The following RWDD4 variants were observed in gnomAD, a reference collection of about 807,000 sequenced individuals.
RWDD4 encodes RWD domain-containing protein 4.
A neutral mutation model predicts 30.0 loss-of-function variants in RWDD4; 16 were observed. The ratio of observed to expected loss-of-function variants is 0.53; its 90% CI spans 0.36 to 0.81. RWDD4 has a LOEUF of 0.81. RWDD4 is among the 30% of genes least tolerant of loss of function. The pLI, the probability that RWDD4 is intolerant of heterozygous loss-of-function variation, is 0.00. For synonymous variants in RWDD4, 45 were observed against 72.1 expected (o/e 0.62, Z 1.90); for missense variants, 170 against 223.9 (o/e 0.76, Z 1.54).
chr4:183,651,017 C>T lies in RWDD4; in HGVS notation c.330G>A (p.Gln110=), dbSNP rs974785846. The T allele has an allele frequency of 6.2e-7, 1 of 1,612,390 alleles. No homozygotes were observed. The highest frequency in any genetic ancestry group is 8.5e-7 in the Non-Finnish European group (1 of 1,179,904). ...TGATGGGATTGTGATTCTCCATGAA[C>T]TGCTCTTTATTGTCTTTGGCATATT... is the stretch of plus-strand genomic sequence containing the variant. The part of the protein sequence containing the change: ...LFEYAKDNKE[Q]FMENHNPINS... Residue 110 remains glutamine, a synonymous_variant, in exon 4 of 8, where the codon CAG becomes CAA. Transcript: ENST00000326397.
intron 1 of RWDD4, among the ~76,000 whole-genome samples, chr4:183,656,635 T>A (rs996146631): frequency 6.6e-6 from 1 of 152,184 alleles, no homozygotes; most frequent in African/African-American, 2.4e-5. Flanking sequence ...AAGACTGCAC[T>A]TGGGTACACG....
intron 7 of RWDD4, among the ~76,000 whole-genome samples, chr4:183,642,128 T>C (rs1733867051): frequency 6.6e-6 from 1 of 151,768 alleles, no homozygotes; most frequent in Non-Finnish European, 1.5e-5. Context: ...AAGCAGAAAC[T>C]ACTAAAGGTG....
chr4:183,641,264 TACA>T lies in RWDD4; in HGVS notation c.*169_*171del, dbSNP rs1241473604. The T allele has an allele frequency of 9.1e-5, 57 of 629,656 alleles. No individual in the cohort carries two copies. The highest frequency in any genetic ancestry group is 1.4e-4 in the Non-Finnish European group (50 of 350,644). 39.0% of individuals were successfully genotyped at this position (629,656 alleles called of 1,614,324 possible). ...AGGCAAGTTTGTGAAAATAATTTAA[TACA>T]ACAAGATCTCTTCATGAACTTTCAA... On this transcript the variant is annotated 3_prime_UTR_variant, in exon 8 of 8. Coordinates refer to ENST00000326397, the MANE Select transcript of RWDD4 (RefSeq NM_152682.4).
chr4:183,645,500 T>C (rs1733949702), intron 7 of RWDD4, among the ~76,000 whole-genome samples: 1 of 150,114 alleles, frequency 6.7e-6, no homozygotes, highest in African/African-American at 2.5e-5. Context: ...CCAGGTGTGG[T>C]GGCTGCCGCC....
At chr4:183,656,997 G>A (rs924582827) in intron 1 of RWDD4, among the ~76,000 whole-genome samples, 1 of 152,178 alleles carries the variant, frequency 6.6e-6, no homozygotes, top group Non-Finnish European at 1.5e-5. Context: ...CTGCAATCCA[G>A]CCTGGGCTAC....
Position 183,651,102 on chromosome 4 carries a change from G to A in RWDD4, c.245C>T (p.Ala82Val). ...ISSAVKQSIL[A>V]KLQEAVEANL... ...AGCTTCTACTGCTTCCTGTAGCTTGGCTAATATACTCTGCTTTACAGCTGA... is the reference window on the plus strand; with the variant it reads ...AGCTTCTACTGCTTCCTGTAGCTTGACTAATATACTCTGCTTTACAGCTGA... The change falls in exon 4 of 8, where the codon GCC (alanine) becomes GTC (valine). Residue 82 changes from alanine (A) to valine (V), a missense_variant. By Grantham distance (64) the Ala-to-Val change is moderately conservative. Coordinates refer to ENST00000326397, the MANE Select transcript of RWDD4 (RefSeq NM_152682.4). The A allele has an allele frequency of 6.2e-7, 1 of 1,613,984 alleles. No homozygotes were observed. The highest frequency in any genetic ancestry group is 8.5e-7 in the Non-Finnish European group (1 of 1,179,978).
Position 183,645,828 on chromosome 4 carries a change from C to T in RWDD4, c.534+523G>A, listed in dbSNP as rs535637852. Among the ~76,000 whole-genome samples, 4 of 152,316 alleles carry T rather than the reference C, an allele frequency of 2.6e-5. No individual in the cohort carries two copies. In the East Asian group the frequency reaches 7.7e-4, roughly 29 times the overall value. On this transcript the variant is annotated intron_variant, in intron 7 of 7. Coordinates refer to ENST00000326397, the MANE Select transcript of RWDD4 (RefSeq NM_152682.4). ...TAAGAAAGTAAAACATTCTTTTCCA[C>T]ATCTGGTTTTCTTCAGTTTCCATAT...
At chr4:183,646,321 G>T in intron 7 of RWDD4, 30 bp downstream of exon 7, 3 of 870,522 alleles carry the variant, frequency 3.4e-6, no homozygotes, top group Non-Finnish European at 5.8e-6. Flanking sequence ...GGGAAAAGAA[G>T]AATGTAAAAG....
rs201296160 is a variant in RWDD4, at chr4:183,643,059, A to AAAATAAAT, written c.535-1599_535-1592dup. 2.5e-3 allele frequency among the ~76,000 whole-genome samples: 277 copies of AAAATAAAT among 112,482 alleles called. 1 individual carries two copies. Among genetic ancestry groups the AAAATAAAT allele is most frequent in the African/African-American group, 6.8e-3 (191 of 28,294 alleles). The allele number at this position is 112,482 out of a possible 152,430, so 73.8% of individuals were successfully genotyped here. The stretch of plus-strand genomic sequence containing the variant: ...GGGTGACAGAGCGAGACTCCGTTCA[A>AAAATAAAT]AAATAAATAAATAAATAAATAAATA... On this transcript the variant is annotated intron_variant, in intron 7 of 7. Transcript: ENST00000326397.
intron 4 of RWDD4, among the ~76,000 whole-genome samples, chr4:183,650,735 TCA>T (rs1734057064): frequency 6.9e-6 from 1 of 145,606 alleles, no homozygotes; most frequent in African/African-American, 2.7e-5. Flanking sequence ...CTATGATATC[TCA>T]GTTTTGGTGG....
intron 1 of RWDD4, among the ~76,000 whole-genome samples, chr4:183,656,861 A>C (rs1561015165): frequency 6.6e-6 from 1 of 152,176 alleles, no homozygotes; most frequent in Admixed American, 6.5e-5. Context: ...CCCCATCTCT[A>C]CTAAAGACAC....
At chr4:183,644,977 G>A (rs969402884) in intron 7 of RWDD4, among the ~76,000 whole-genome samples, 8 of 151,984 alleles carry the variant, frequency 5.3e-5, no homozygotes, top group African/African-American at 1.9e-4. Context: ...GTGCATGCCT[G>A]TGGCCCCTGC....
chr4:183,646,157 A>G (rs1216327843), intron 7 of RWDD4, among the ~76,000 whole-genome samples, 194 bp downstream of exon 7: 2 of 151,974 alleles, frequency 1.3e-5, no homozygotes, highest in African/African-American at 4.8e-5. Flanking sequence ...AACCACCTTG[A>G]CCTCCAAAAG....
rs781164544 is a variant in RWDD4 at position 183,658,992 on chromosome 4, G to C, written c.-40C>G. 3.2e-6 allele frequency: 4 copies of C among 1,259,232 alleles called. No individual in the cohort carries two copies. Among genetic ancestry groups the C allele is most frequent in the Non-Finnish European group, 4.0e-6 (4 of 1,001,854 alleles). The allele number at this position is 1,259,232 out of a possible 1,614,324, so 78.0% of individuals were successfully genotyped here. ...GGCGCCTCCTGAGCGGACGGCGTTC[G>C]CAACAACGAAGAGAAAGCGAAGGCA... is the stretch of plus-strand genomic sequence containing the variant. On this transcript the variant is annotated 5_prime_UTR_variant, in exon 1 of 8. Coordinates refer to ENST00000326397, the MANE Select transcript of RWDD4 (RefSeq NM_152682.4).
intron 5 of RWDD4, 29 bp downstream of exon 5, chr4:183,649,422 A>G (rs774973127): frequency 7.0e-7 from 1 of 1,433,620 alleles, no homozygotes; most frequent in Non-Finnish European, 9.7e-7. Flanking sequence ...CAAAAAAAAG[A>G]AAAGAAAAGA....
chr4:183,641,817 AT>A (rs1347707971), intron 7 of RWDD4, among the ~76,000 whole-genome samples: 2 of 152,198 alleles, frequency 1.3e-5, no homozygotes, highest in Admixed American at 6.5e-5. Flanking sequence ...TCCATCACAT[AT>A]TCTTTTTAAA....
chr4:183,648,306 G>A (rs1452238041), intron 5 of RWDD4, among the ~76,000 whole-genome samples: 1 of 150,366 alleles, frequency 6.7e-6, no homozygotes, highest in Non-Finnish European at 1.5e-5. Flanking sequence ...TCAATAAAGA[G>A]AAACTTTTTA....
chr4:183,646,311 G>C, intron 7 of RWDD4, 40 bp downstream of exon 7: 1 of 860,536 alleles, frequency 1.2e-6, no homozygotes. Context: ...TGAGAGTGCA[G>C]GGAAAAGAAG....
rs1253243909 is a variant in RWDD4 at position 183,642,245 on chromosome 4, A to T, written c.535-777T>A. On this transcript the variant is annotated intron_variant, in intron 7 of 7. Coordinates refer to ENST00000326397, the MANE Select transcript of RWDD4 (RefSeq NM_152682.4). ...CGCTCTGTCGCCCAGGCTGGAGTGC[A>T]GTGGCGCGATCTCGGCTCACTGCAA... is the stretch of plus-strand genomic sequence containing the variant. 1.0e-4 allele frequency among the ~76,000 whole-genome samples: 8 copies of T among 76,932 alleles called. 3 individuals carry two copies. Among genetic ancestry groups the T allele is most frequent in the Admixed American group, 2.4e-4 (2 of 8,198 alleles). The allele number at this position is 76,932 out of a possible 152,430, so 50.5% of individuals were successfully genotyped here.
Sources: gnomAD v4.1 joint callset for allele counts (sites outside exome capture counted in the v4.1 genomes callset) on GRCh38, gnomAD v4.1.1 for gene constraint, MANE v1.5 for transcripts, NCBI Gene and HGNC (gene_info 2026-07-23, HGNC 2026-07-21) for gene names.